Variants in PLCB3 observed in about 807,000 individuals in gnomAD.
PLCB3 encodes the protein phospholipase C beta 3.
A neutral mutation model predicts 152.1 loss-of-function variants in PLCB3; 54 were observed. The observed-to-expected ratio is 0.36, with a 90% confidence interval of 0.29 to 0.45. PLCB3 has a LOEUF of 0.45. PLCB3 is among the 20% of genes least tolerant of loss of function. PLCB3 has a pLI of 1.00. For missense variants in PLCB3, 1,248 were observed against 1,687.5 expected, an observed-to-expected ratio of 0.74 and a Z score of 4.56; for synonymous variants, 717 against 698.7, an observed-to-expected ratio of 1.03 and a Z score of -0.41.
At position 64,259,062 on chromosome 11, in the gene PLCB3, C is replaced by T. The variant is rs748312608; in HGVS notation, c.1343C>T (p.Ala448Val). 14 of 1,611,570 alleles carry T rather than the reference C, an allele frequency of 8.7e-6. No homozygotes were observed. The highest frequency in any genetic ancestry group is 1.2e-5 in the Non-Finnish European group (14 of 1,178,830). Residue 448 changes from alanine (A) to valine (V), a missense_variant, in exon 13 of 31, where the codon GCC becomes GTC. By Grantham distance (64) the Ala-to-Val change is moderately conservative (BLOSUM62 0). Coordinates refer to ENST00000279230, the MANE Select transcript of PLCB3 (RefSeq NM_000932.5). The part of the protein sequence containing the change: ...LIEPLDKYPL[A>V]PGVPLPSPQD... The stretch of plus-strand genomic sequence containing the variant: ...GACTCGTCCATGCCTGCCCAGCTGG[C>T]CCCAGGCGTTCCCCTGCCCAGCCCC...
chr11:64,263,230 G>C, intron 19 of PLCB3: 1 of 540,616 alleles, frequency 1.8e-6, no homozygotes, highest in South Asian at 2.4e-5. Context: ...TTCTAAACTG[G>C]CAATGACCAG....
Position 64,266,338 on chromosome 11 carries a change from T to A in PLCB3, c.3290T>A (p.Ile1097Asn). 1.2e-6 allele frequency: 2 copies of A among 1,612,398 alleles called. No individual in the cohort carries two copies. The highest frequency in any genetic ancestry group is 1.7e-5 in the Admixed American group (1 of 59,812). ...AGGGAGAAGAAGGAGCTGCAGAAGATCCTGGACAGAAAGCGCCATAACAGC... is the reference window on the plus strand; with the variant it reads ...AGGGAGAAGAAGGAGCTGCAGAAGAACCTGGACAGAAAGCGCCATAACAGC... ...NEREKKELQK[I>N]LDRKRHNSIS... is the part of the protein sequence containing the mutation. Residue 1097 changes from isoleucine to asparagine, a missense_variant, in exon 28 of 31, where the codon ATC (isoleucine) becomes AAC (asparagine). By Grantham distance (149) the Ile-to-Asn change is moderately radical. Transcript: ENST00000279230. The surrounding 1 kb of genome is among the most constrained non-coding windows in gnomAD (Gnocchi z 4.9).
intron 19 of PLCB3, among the ~76,000 whole-genome samples, 193 bp downstream of exon 19, chr11:64,263,001 G>A (rs1371838407): frequency 4.6e-5 from 7 of 152,206 alleles, no homozygotes; most frequent in Non-Finnish European, 7.3e-5. Flanking sequence ...AGAGACCAGG[G>A]TGAGAAGGTG....
chr11:64,255,639 C>CCCTGGGGG lies in PLCB3; in HGVS notation c.597+23_597+24insCCTGGGGG. On this transcript the variant is annotated intron_variant, in intron 7 of 30. Transcript: ENST00000279230. This position sits in a 1 kb window ranked among gnomAD's most constrained non-coding sequence, Gnocchi z 6.8. The stretch of plus-strand genomic sequence containing the variant: ...CGGGTGTGTGGGGTGGGGACAGGGG[C>CCCTGGGGG]GGGGTGGGGTGTCACGGTGGGCACC... The CCCTGGGGG allele has an allele frequency of 3.1e-6, 2 of 645,436 alleles. No homozygotes were observed. The highest frequency in any genetic ancestry group is 5.4e-6 in the Non-Finnish European group (2 of 370,692). The allele number at this position is 645,436 out of a possible 1,614,324, so 40.0% of individuals were successfully genotyped here.
intron 2 of PLCB3, 54 bp from the exon 3 acceptor site, chr11:64,254,694 C>G: frequency 1.3e-6 from 2 of 1,582,626 alleles, no homozygotes; most frequent in Non-Finnish European, 1.7e-6. Context: ...TTGGAAGCTC[C>G]TGGCTATTGC....
At position 64,266,422 on chromosome 11, in the gene PLCB3, G is replaced by C. The variant is rs562410739; in HGVS notation, c.3356+18G>C. 3 of 1,594,768 alleles carry C rather than the reference G, an allele frequency of 1.9e-6. No homozygotes were observed. The highest frequency in any genetic ancestry group is 2.6e-6 in the Non-Finnish European group (3 of 1,162,626). The stretch of plus-strand genomic sequence containing the variant: ...AAGGAGGCGTAAGGGCACCGGGACC[G>C]GGGGCCATCTGGGTACTGGGGAGGC... On this transcript the variant is annotated intron_variant, in intron 28 of 30. Transcript: ENST00000279230. This position sits in a 1 kb window ranked among gnomAD's most constrained non-coding sequence, Gnocchi z 4.9.
chr11:64,255,139 C>G lies in PLCB3; in HGVS notation c.388-95C>G. On this transcript the variant is annotated intron_variant, in intron 4 of 30. Coordinates refer to ENST00000279230, the MANE Select transcript of PLCB3 (RefSeq NM_000932.5). This position sits in a 1 kb window ranked among gnomAD's most constrained non-coding sequence, Gnocchi z 6.8. The stretch of plus-strand genomic sequence containing the variant: ...GCTGTGTTCTAGGCTGCTCTGTGAC[C>G]TACTGTGTACCAGAGGCAGTTGTGG... 1 of 1,516,682 alleles carries G rather than the reference C, an allele frequency of 6.6e-7. No individual in the cohort carries two copies. Among genetic ancestry groups the G allele is most frequent in the Non-Finnish European group, 9.1e-7 (1 of 1,093,044 alleles). The allele number at this position is 1,516,682 out of a possible 1,614,324, so 94.0% of individuals were successfully genotyped here.
In PLCB3 at chr11:64,255,109, C is replaced by T; in HGVS notation, c.387+71C>T. ...TGTGAGTCGGCCGTCACTTACCGAA[C>T]ACCTGCTGTGTTCTAGGCTGCTCTG... On this transcript the variant is annotated intron_variant, in intron 4 of 30. Transcript: ENST00000279230. This position sits in a 1 kb window ranked among gnomAD's most constrained non-coding sequence, Gnocchi z 6.8. 6.4e-7 allele frequency: 1 copy of T among 1,553,704 alleles called. No individual in the cohort carries two copies. The highest frequency in any genetic ancestry group is 8.9e-7 in the Non-Finnish European group (1 of 1,129,142).
Position 64,251,665 on chromosome 11 carries a change from C to T in PLCB3, c.16C>T (p.Pro6Ser). Residue 6 changes from proline (P) to serine (S), a missense_variant, in exon 1 of 31, where the codon CCC becomes TCC. Coordinates refer to ENST00000279230, the MANE Select transcript of PLCB3 (RefSeq NM_000932.5). MAGAQ[P>S]GVHALQLEPP... ...TGGCCGGGCCATGGCGGGCGCCCAG[C>T]CCGGCGTCCACGCGCTGCAGTTGGA... 1 of 1,471,982 alleles carries T rather than the reference C, an allele frequency of 6.8e-7. No individual in the cohort carries two copies. The highest frequency in any genetic ancestry group is 9.0e-7 in the Non-Finnish European group (1 of 1,108,232). 91.2% of individuals were successfully genotyped at this position (1,471,982 alleles called of 1,614,324 possible).
At chr11:64,257,016 T>TTTTTTTTTTC (rs771872374) in intron 10 of PLCB3, among the ~76,000 whole-genome samples, 7 of 120,682 alleles carry the variant, frequency 5.8e-5, no homozygotes, top group South Asian at 5.8e-4. Context: ...TTTTTTTTTT[T>TTTTTTTTTTC]TTTTTGAGAC....
chr11:64,255,944 A>C lies in PLCB3; in HGVS notation c.698+123A>C, dbSNP rs1591102153. On this transcript the variant is annotated intron_variant, in intron 8 of 30. Transcript: ENST00000279230. The surrounding 1 kb of genome is among the most constrained non-coding windows in gnomAD (Gnocchi z 6.8). ...CGGGTCCTGGAGCGCCAGGGGGCGG[A>C]GGGGTGCCCAGGGAGAACCTGTCGG... 1.4e-6 allele frequency: 1 copy of C among 724,872 alleles called. No homozygotes were observed. The highest frequency in any genetic ancestry group is 2.4e-6 in the Non-Finnish European group (1 of 415,482). The allele number at this position is 724,872 out of a possible 1,614,324, so 44.9% of individuals were successfully genotyped here.
Position 64,261,468 on chromosome 11 carries a change from C to T in PLCB3, c.1800C>T (p.Val600=). The T allele has an allele frequency of 2.5e-6, 4 of 1,614,082 alleles. No homozygotes were observed. The highest frequency in any genetic ancestry group is 3.4e-6 in the Non-Finnish European group (4 of 1,179,936). Residue 600 remains valine, a synonymous_variant, in exon 15 of 31, where the codon GTC becomes GTT. Coordinates refer to ENST00000279230, the MANE Select transcript of PLCB3 (RefSeq NM_000932.5). ...MSTLVNYIEP[V]KFKSFEAARK... Reference sequence around the variant, plus strand: ...CGCTTGTCAACTACATCGAACCTGTCAAGTTCAAGTCCTTTGAGGCTGCTC... The same window carrying T: ...CGCTTGTCAACTACATCGAACCTGTTAAGTTCAAGTCCTTTGAGGCTGCTC...
At chr11:64,268,797 C>T (rs1163922820), downstream of PLCB3, 1 of 152,330 alleles carries the variant, frequency 6.6e-6, no homozygotes, top group Non-Finnish European at 1.5e-5. Context: ...GGAAGGCGGC[C>T]TCTTATCTGG....
rs1045784810 is a variant in PLCB3 at position 64,259,214 on chromosome 11, G to A, written c.1495G>A (p.Ala499Thr). The change falls in exon 13 of 31, where the codon GCG (alanine) becomes ACG (threonine). Residue 499 changes from alanine (A) to threonine (T), a missense_variant. By Grantham distance (58) the Ala-to-Thr change is moderately conservative. Transcript: ENST00000279230. ...QSNSALSESS[A>T]ATEPSSPQLG... ...CAATTCTGCCCTGAGCGAGAGCTCC[G>A]CGGCCACCGAGCCCTCCTCCCCGCA... is the stretch of plus-strand genomic sequence containing the variant. 4.5e-6 allele frequency: 7 copies of A among 1,559,630 alleles called. No individual in the cohort carries two copies. Among genetic ancestry groups the A allele is most frequent in the Middle Eastern group, 4.0e-4 (2 of 4,962 alleles).
intron 1 of PLCB3, 146 bp downstream of exon 1, chr11:64,251,894 C>G: frequency 6.8e-6 from 3 of 443,320 alleles, no homozygotes; most frequent in Non-Finnish European, 4.0e-6. Context: ...CTTAAGTCCC[C>G]GATCGTCTCC....
At chr11:64,256,997 CTTTTTT>C (rs5792316) in intron 10 of PLCB3, among the ~76,000 whole-genome samples, 12 of 61,590 alleles carry the variant, frequency 1.9e-4, no homozygotes, top group Admixed American at 1.8e-3. Flanking sequence ...CTTCAGGGTC[CTTTTTT>C]TTTTTTTTTT....
intron 2 of PLCB3, 109 bp downstream of exon 2, chr11:64,254,601 G>A: frequency 7.4e-7 from 1 of 1,356,952 alleles, no homozygotes; most frequent in South Asian, 1.2e-5. Flanking sequence ...TCCCACTGCT[G>A]CCCAGACAGG....
chr11:64,265,232 G>T lies in PLCB3; in HGVS notation c.2842+5G>T, dbSNP rs765647727. 6.3e-7 allele frequency: 1 copy of T among 1,598,254 alleles called. No homozygotes were observed. Among genetic ancestry groups the T allele is most frequent in the South Asian group, 1.1e-5 (1 of 89,076 alleles). ...TCATCGCCAGCATCCTCTCAGGTAG[G>T]GGGCGGGGTACCTGGAGGCAGGGGG... On this transcript the variant is annotated splice_donor_5th_base_variant and intron_variant, in intron 24 of 30. Transcript: ENST00000279230.
chr11:64,254,854 C>T (rs2031432366), intron 3 of PLCB3, 38 bp downstream of exon 3: 2 of 1,613,620 alleles, frequency 1.2e-6, no homozygotes, highest in Admixed American at 1.7e-5. Context: ...CACAGCGAGG[C>T]TGTGCGGGAG....
Sources: gnomAD v4.1 joint callset for allele counts (sites outside exome capture counted in the v4.1 genomes callset) on GRCh38, gnomAD v4.1.1 for gene constraint, Gnocchi (gnomAD v3.1) non-coding constraint, MANE v1.5 for transcripts, NCBI Gene and HGNC (gene_info 2026-07-23, HGNC 2026-07-21) for gene names.